The following CREB1 variants were observed in gnomAD, a reference collection of about 807,000 sequenced individuals.
The protein encoded by CREB1 is cAMP responsive element binding protein 1.
Under a neutral mutation model 42.0 loss-of-function variants are expected in CREB1, and 2 were observed. The ratio of observed to expected loss-of-function variants is 0.05; its 90% CI spans 0.02 to 0.15. CREB1 has a LOEUF of 0.15. CREB1 is among the 10% of genes least tolerant of loss of function. CREB1 has a pLI of 1.00. For missense variants in CREB1, 199 were observed against 388.9 expected, an observed-to-expected ratio of 0.51 and a Z score of 4.11; for synonymous variants, 123 against 139.9, an observed-to-expected ratio of 0.88 and a Z score of 0.85.
Position 207,601,383 on chromosome 2 carries a change from A to G in CREB1, c.*4325A>G, listed in dbSNP as rs1442847974. On this transcript the variant is annotated 3_prime_UTR_variant, in exon 8 of 8. Transcript: ENST00000353267. ...CTTTTTAAATGGAAGTTTTTCATTG[A>G]TTAAAATATTTTAGCACCTAAAAGC... 2.2e-5 allele frequency: 4 copies of G among 185,742 alleles called. No individual in the cohort carries two copies. Among genetic ancestry groups the G allele is most frequent in the Non-Finnish European group, 3.4e-5 (3 of 87,808 alleles). 11.5% of individuals were successfully genotyped at this position (185,742 alleles called of 1,614,324 possible). A position where few individuals can be genotyped will look rare whatever the true frequency, so the allele number is the denominator to read the frequency against.
chr2:207,532,879 C>T (rs1208853881), intron 1 of CREB1, among the ~76,000 whole-genome samples: 3 of 151,914 alleles, frequency 2.0e-5, no homozygotes, highest in Non-Finnish European at 4.4e-5. Flanking sequence ...CCCCAGCCCC[C>T]CGAGTAGCTG....
chr2:207,580,903 G>C (rs1305632096), intron 7 of CREB1: 1 of 218,150 alleles, frequency 4.6e-6, no homozygotes, highest in Non-Finnish European at 9.2e-6. Context: ...GAAAGCATTT[G>C]CTTGATTTTG....
chr2:207,583,882 T>C (rs756063383), intron 7 of CREB1, among the ~76,000 whole-genome samples: 2 of 152,212 alleles, frequency 1.3e-5, no homozygotes, highest in Non-Finnish European at 2.9e-5. Context: ...TTTCTACCCT[T>C]ATAGTTCTGC....
At chr2:207,545,850 C>T (rs1389780220) in intron 1 of CREB1, among the ~76,000 whole-genome samples, 1 of 151,824 alleles carries the variant, frequency 6.6e-6, no homozygotes, top group South Asian at 2.1e-4. Context: ...TCTCCTGCCT[C>T]AGCCTCCCGA....
chr2:207,569,561 T>C (rs1431953098), intron 4 of CREB1, among the ~76,000 whole-genome samples: 2 of 152,206 alleles, frequency 1.3e-5, no homozygotes, highest in Admixed American at 1.3e-4. Flanking sequence ...TTTGTGTATG[T>C]GTTCTTTGAG....
At chr2:207,540,669 T>TAAAAAAAAAAAAAAAAAAAAAAAA (rs35714520) in intron 1 of CREB1, among the ~76,000 whole-genome samples, 4 of 64,268 alleles carry the variant, frequency 6.2e-5, no homozygotes, top group East Asian at 5.0e-4. Context: ...GTTTAAAAAG[T>TAAAAAAAAAAAAAAAAAAAAAAAA]AAAAAAAAAA....
At chr2:207,574,696 A>G (rs376844840) in intron 5 of CREB1, among the ~76,000 whole-genome samples, 1 of 152,192 alleles carries the variant, frequency 6.6e-6, no homozygotes, top group African/African-American at 2.4e-5. Context: ...ACTGTTGATA[A>G]TTAAGTTCCA....
intron 1 of CREB1, among the ~76,000 whole-genome samples, chr2:207,539,945 G>T (rs1182081107): frequency 6.6e-6 from 1 of 152,172 alleles, no homozygotes; most frequent in Non-Finnish European, 1.5e-5. Context: ...TGAGTATGAG[G>T]CAGGGAGCTT....
intron 1 of CREB1, among the ~76,000 whole-genome samples, chr2:207,552,551 T>C (rs963217851): frequency 1.3e-5 from 2 of 152,030 alleles, no homozygotes; most frequent in African/African-American, 4.8e-5. Context: ...TTATCTTTAT[T>C]CTAGATAAAA....
chr2:207,530,896 C>T (rs74987085), intron 1 of CREB1, among the ~76,000 whole-genome samples: 3 of 151,754 alleles, frequency 2.0e-5, no homozygotes, highest in Middle Eastern at 3.4e-3. Flanking sequence ...ATGCTGCTTT[C>T]TGCCCTGTGT....
chr2:207,591,990 T>G (rs2085129776), intron 7 of CREB1, among the ~76,000 whole-genome samples: 1 of 152,232 alleles, frequency 6.6e-6, no homozygotes, highest in Non-Finnish European at 1.5e-5. Context: ...ATTATATTTC[T>G]GCCTCAAAAA....
chr2:207,559,904 G>A (rs887358744), intron 2 of CREB1, among the ~76,000 whole-genome samples: 1 of 152,132 alleles, frequency 6.6e-6, no homozygotes, highest in African/African-American at 2.4e-5. Flanking sequence ...ATGAAAGCAG[G>A]TGGGAAAATG....
intron 7 of CREB1, among the ~76,000 whole-genome samples, chr2:207,578,847 A>G (rs57882689): frequency 0.012 from 1,818 of 151,848 alleles, 33 homozygotes; most frequent in African/African-American, 0.041. Flanking sequence ...CAGGAGTGCA[A>G]TGGTGCAATC....
At chr2:207,560,163 T>G (rs2081900570) in intron 2 of CREB1, 63 bp from the exon 3 acceptor site, 1 of 1,402,038 alleles carries the variant, frequency 7.1e-7, no homozygotes, top group Admixed American at 2.4e-5. Context: ...TATTTCATAT[T>G]GAACATGAGT....
At chr2:207,591,443 T>G (rs1374551303) in intron 7 of CREB1, among the ~76,000 whole-genome samples, 2 of 152,232 alleles carry the variant, frequency 1.3e-5, no homozygotes, top group Non-Finnish European at 2.9e-5. Context: ...TTTTTGTTTG[T>G]TGAGACAGAA....
At chr2:207,545,641 T>C (rs2081273984) in intron 1 of CREB1, among the ~76,000 whole-genome samples, 1 of 152,178 alleles carries the variant, frequency 6.6e-6, no homozygotes, top group African/African-American at 2.4e-5. Flanking sequence ...ATTTGTTTAA[T>C]GAGTGATTCT....
At chr2:207,531,920 A>G (rs1158003179) in intron 1 of CREB1, among the ~76,000 whole-genome samples, 1 of 152,258 alleles carries the variant, frequency 6.6e-6, no homozygotes, top group Non-Finnish European at 1.5e-5. Flanking sequence ...AAGAGGCAAT[A>G]AAGGCAGGTT....
intron 7 of CREB1, among the ~76,000 whole-genome samples, chr2:207,584,971 T>A (rs2106634473): frequency 6.6e-6 from 1 of 152,258 alleles, no homozygotes; most frequent in African/African-American, 2.4e-5. Context: ...CTTGTGGTAT[T>A]TATGAATTTT....
intron 7 of CREB1, chr2:207,581,485 T>G (rs1217139583): frequency 2.0e-5 from 4 of 203,552 alleles, no homozygotes; most frequent in Admixed American, 1.2e-4. Flanking sequence ...ATGTTCATTA[T>G]AAGTAAATTA....
Sources: allele counts gnomAD v4.1 joint callset (sites outside exome capture counted in the v4.1 genomes callset), GRCh38; gene constraint gnomAD v4.1.1; transcripts MANE v1.5; gene names NCBI Gene and HGNC (gene_info 2026-07-23, HGNC 2026-07-21).